The following STK40 variants were observed in gnomAD, a reference collection of about 807,000 sequenced individuals.
The protein encoded by STK40 is serine/threonine kinase 40, also known as serine/threonine-protein kinase 40.
Under a neutral mutation model 47.9 loss-of-function variants are expected in STK40, and 13 were observed. That is an observed-to-expected ratio of 0.27 (90% CI 0.18 to 0.43). STK40 has a LOEUF of 0.43. Ranked by LOEUF, STK40 falls within the 20% of genes least tolerant of loss-of-function variation. STK40 has a pLI of 1.00. For missense variants in STK40, 460 were observed against 595.1 expected (o/e 0.77, Z 2.36); for synonymous variants, 225 against 243.2 (o/e 0.93, Z 0.69).
At position 36,343,885 on chromosome 1, in the gene STK40, C is replaced by A. The variant is rs766981054; in HGVS notation, c.979G>T (p.Ala327Ser). ...CATGATGCAATGATGGCACTGAGGG[C>A]CTCCAGGACGTCGGCGGCGGCCAGG... is the stretch of plus-strand genomic sequence containing the variant. Reference protein sequence around the residue: ...QRLAAADVLEALSAIIASWQS... With the variant: ...QRLAAADVLESLSAIIASWQS... The change falls in exon 9 of 11, where the codon GCC becomes TCC. Residue 327 changes from alanine to serine, a missense_variant. By Grantham distance (99) the Ala-to-Ser change is moderately conservative. Coordinates refer to ENST00000373132, the MANE Select transcript of STK40 (RefSeq NM_001282547.2). 2 of 1,604,436 alleles carry A rather than the reference C, an allele frequency of 1.2e-6. No individual in the cohort carries two copies. The highest frequency in any genetic ancestry group is 1.1e-5 in the South Asian group (1 of 90,588).
At chr1:36,380,245 T>C (rs1359699102) in intron 1 of STK40, among the ~76,000 whole-genome samples, 1 of 152,172 alleles carries the variant, frequency 6.6e-6, no homozygotes, top group Non-Finnish European at 1.5e-5. Context: ...CAGATCATTT[T>C]CTCGTTTACT....
At chr1:36,343,142 G>C (rs1646669673) in intron 10 of STK40, 1 of 679,486 alleles carries the variant, frequency 1.5e-6, no homozygotes, top group Non-Finnish European at 2.7e-6. Context: ...CTGTCTCACA[G>C]GTCTCTCTGG....
intron 4 of STK40, among the ~76,000 whole-genome samples, 161 bp from the exon 5 acceptor site, chr1:36,355,594 A>G (rs1646796865): frequency 6.6e-6 from 1 of 152,116 alleles, no homozygotes; most frequent in Non-Finnish European, 1.5e-5. Flanking sequence ...GGCAGCCTAG[A>G]CCATGGGGCA....
intron 4 of STK40, among the ~76,000 whole-genome samples, chr1:36,355,789 C>A (rs887062271): frequency 3.9e-5 from 6 of 152,222 alleles, no homozygotes; most frequent in African/African-American, 1.4e-4. Context: ...GAATCCATGG[C>A]ACCCAGATTC....
intron 2 of STK40, 123 bp from the exon 3 acceptor site, chr1:36,358,945 C>CCTG: frequency 9.6e-7 from 1 of 1,044,820 alleles, no homozygotes; most frequent in Admixed American, 2.3e-5. Context: ...GTGTACTGGA[C>CCTG]TGACCCTCCA....
intron 1 of STK40, among the ~76,000 whole-genome samples, chr1:36,377,567 G>C (rs954471406): frequency 2.0e-5 from 3 of 150,718 alleles, no homozygotes; most frequent in African/African-American, 7.4e-5. Context: ...AGTAGTAGTG[G>C]AATCAGGGGA....
At chr1:36,355,505 C>A in intron 4 of STK40, 72 bp from the exon 5 acceptor site, 1 of 1,494,666 alleles carries the variant, frequency 6.7e-7, no homozygotes, top group South Asian at 1.1e-5. Flanking sequence ...CTGGGACTCT[C>A]CTCTGGAGTG....
intron 1 of STK40, 68 bp from the exon 2 acceptor site, chr1:36,361,408 G>A: frequency 6.3e-7 from 1 of 1,598,118 alleles, no homozygotes. Flanking sequence ...AACCCAGCCT[G>A]CAGGCCTTTG....
intron 1 of STK40, among the ~76,000 whole-genome samples, chr1:36,382,839 C>T (rs1054805968): frequency 5.3e-5 from 8 of 152,216 alleles, no homozygotes; most frequent in African/African-American, 1.9e-4. Context: ...TACGAAGGTA[C>T]TCTTATTGTC....
At chr1:36,351,200 C>A (rs979811724) in intron 6 of STK40, among the ~76,000 whole-genome samples, 1 of 152,244 alleles carries the variant, frequency 6.6e-6, no homozygotes, top group Admixed American at 6.5e-5. Context: ...CAGCACCTCA[C>A]ATAACCCCAG....
intron 1 of STK40, among the ~76,000 whole-genome samples, chr1:36,377,566 G>T (rs923035606): frequency 6.6e-6 from 1 of 150,830 alleles, no homozygotes; most frequent in African/African-American, 2.5e-5. Flanking sequence ...AAGTAGTAGT[G>T]GAATCAGGGG....
intron 7 of STK40, among the ~76,000 whole-genome samples, chr1:36,345,991 A>ATATATATATATTTTTTTTTTTT: frequency 3.8e-5 from 1 of 26,464 alleles, no homozygotes; most frequent in African/African-American, 1.4e-4. Context: ...ATATATATAT[A>ATATATATATATTTTTTTTTTTT]TTTTTTTTTT....
intron 6 of STK40, among the ~76,000 whole-genome samples, chr1:36,351,500 C>A (rs1359923661): frequency 6.6e-6 from 1 of 152,126 alleles, no homozygotes; most frequent in Non-Finnish European, 1.5e-5. Flanking sequence ...TCTCTCTGCA[C>A]CACACTACCC....
intron 6 of STK40, among the ~76,000 whole-genome samples, chr1:36,351,726 G>A (rs777111923): frequency 2.0e-5 from 2 of 101,546 alleles, no homozygotes; most frequent in Middle Eastern, 6.4e-3. Context: ...GCGACCCCTC[G>A]ACTACACTCC....
chr1:36,358,139 A>C lies in STK40; in HGVS notation c.342+100T>G, dbSNP rs1402375521. ...GTACCTAGCATGGCAGGGACACCCAAGGGTCACGTGAGCTGCTCGTATGGC... is the reference window on the plus strand; with the variant it reads ...GTACCTAGCATGGCAGGGACACCCACGGGTCACGTGAGCTGCTCGTATGGC... On this transcript the variant is annotated intron_variant, in intron 4 of 10. Coordinates refer to ENST00000373132, the MANE Select transcript of STK40 (RefSeq NM_001282547.2). 2.8e-5 allele frequency: 39 copies of C among 1,402,024 alleles called. No homozygotes were observed. In the East Asian group the frequency reaches 9.5e-4, roughly 34 times the overall value. 86.8% of individuals were successfully genotyped at this position (1,402,024 alleles called of 1,614,324 possible). A position where few individuals can be genotyped will look rare whatever the true frequency, so the allele number is the denominator to read the frequency against.
chr1:36,365,630 T>G (rs1433940794), intron 1 of STK40, among the ~76,000 whole-genome samples: 1 of 152,206 alleles, frequency 6.6e-6, no homozygotes, highest in Admixed American at 6.5e-5. Flanking sequence ...TGGGCAGTAA[T>G]GTGTCTGGCA....
At chr1:36,345,991 A>ATATTTGTTTTTTTT in intron 7 of STK40, among the ~76,000 whole-genome samples, 1 of 26,468 alleles carries the variant, frequency 3.8e-5, no homozygotes, top group Non-Finnish European at 6.9e-5. Context: ...ATATATATAT[A>ATATTTGTTTTTTTT]TTTTTTTTTT....
chr1:36,353,098 G>A (rs563879806), intron 6 of STK40, among the ~76,000 whole-genome samples: 9 of 152,234 alleles, frequency 5.9e-5, no homozygotes, highest in African/African-American at 2.2e-4. Flanking sequence ...AGTGGGCCTC[G>A]GGCCCTTCCT....
At chr1:36,357,821 T>A (rs939490535) in intron 4 of STK40, among the ~76,000 whole-genome samples, 23 of 152,286 alleles carry the variant, frequency 1.5e-4, no homozygotes, top group African/African-American at 5.3e-4. Context: ...TTCACCTTGT[T>A]GGCCAGGATG....
Sources: allele counts gnomAD v4.1 joint callset (sites outside exome capture counted in the v4.1 genomes callset), GRCh38; gene constraint gnomAD v4.1.1; transcripts MANE v1.5; gene names NCBI Gene and HGNC (gene_info 2026-07-23, HGNC 2026-07-21).